MME: variants seen among roughly 807,000 people sequenced by gnomAD.
MME encodes the protein membrane metalloendopeptidase.
MME carries 98 observed loss-of-function variants against 113.2 expected under a neutral mutation model. The ratio of observed to expected loss-of-function variants is 0.87; its 90% CI spans 0.74 to 1.02. The LOEUF is 1.02. Ranked by LOEUF, MME falls within the 50% of genes least tolerant of loss-of-function variation. MME has a pLI of 0.00. For missense variants in MME, 836 were observed against 896.0 expected, an observed-to-expected ratio of 0.93 and a Z score of 0.86; for synonymous variants, 292 against 300.6, an observed-to-expected ratio of 0.97 and a Z score of 0.30.
rs777374821 is a variant in MME, at chr3:155,147,167, C to T, written c.1440C>T (p.Ile480=). The T allele has an allele frequency of 3.1e-6, 5 of 1,606,108 alleles. No homozygotes were observed. Among genetic ancestry groups the T allele is most frequent in the African/African-American group, 1.3e-5 (1 of 74,816 alleles). Reference sequence around the variant, plus strand: ...AGGCCTTAGCAATTAAAGAAAGGATCGGCTATCCTGATGACATTGTTTCAA... The same window carrying T: ...AGGCCTTAGCAATTAAAGAAAGGATTGGCTATCCTGATGACATTGTTTCAA... The part of the protein sequence containing the change: ...EEKALAIKER[I]GYPDDIVSND... The change falls in exon 15 of 23, where the codon ATC becomes ATT. Residue 480 remains isoleucine, a synonymous_variant. Transcript: ENST00000360490.
At chr3:155,058,301 C>A (rs80186722) in intron 1 of MME, among the ~76,000 whole-genome samples, 1 of 152,118 alleles carries the variant, frequency 6.6e-6, no homozygotes, top group Non-Finnish European at 1.5e-5. Flanking sequence ...TTAAGCACTG[C>A]GTATTTTCTC....
At chr3:155,051,631 AG>A (rs1197179845) in intron 1 of MME, among the ~76,000 whole-genome samples, 1 of 152,164 alleles carries the variant, frequency 6.6e-6, no homozygotes, top group Non-Finnish European at 1.5e-5. Context: ...GAACAGTGTG[AG>A]GGTAACTGCC....
At chr3:155,127,968 G>A (rs1049206403) in intron 8 of MME, among the ~76,000 whole-genome samples, 2 of 152,260 alleles carry the variant, frequency 1.3e-5, no homozygotes, top group South Asian at 2.1e-4. Context: ...GCTCTTCAAC[G>A]ATCTGAATCA....
intron 16 of MME, among the ~76,000 whole-genome samples, chr3:155,151,641 C>T (rs1460042291): frequency 2.6e-5 from 4 of 152,096 alleles, no homozygotes; most frequent in Non-Finnish European, 5.9e-5. Context: ...AATATCTGCC[C>T]ATTTTCTAAA....
At chr3:155,095,706 A>T (rs946220130) in intron 3 of MME, among the ~76,000 whole-genome samples, 4 of 152,060 alleles carry the variant, frequency 2.6e-5, no homozygotes, top group African/African-American at 9.7e-5. Context: ...CAAAAGCATT[A>T]ATCAAGCAGC....
chr3:155,063,647 T>C (rs1714265621), intron 1 of MME, among the ~76,000 whole-genome samples: 14 of 121,574 alleles, frequency 1.2e-4, no homozygotes, highest in South Asian at 9.3e-4. Context: ...TTATATATTA[T>C]ATTTGATTAT....
chr3:155,056,842 G>C (rs1342681647), intron 1 of MME, among the ~76,000 whole-genome samples: 1 of 152,146 alleles, frequency 6.6e-6, no homozygotes, highest in African/African-American at 2.4e-5. Flanking sequence ...ACAAGCAATG[G>C]GGAAAGGAGT....
intron 1 of MME, among the ~76,000 whole-genome samples, chr3:155,082,699 TA>T (rs1287274605): frequency 3.9e-5 from 6 of 152,236 alleles, no homozygotes; most frequent in Non-Finnish European, 1.5e-5. Context: ...TAGCCTCATG[TA>T]ATCAAGGGGA....
upstream of MME, among the ~76,000 whole-genome samples, chr3:155,079,322 A>G (rs1289067503): frequency 6.6e-6 from 1 of 152,120 alleles, no homozygotes; most frequent in Non-Finnish European, 1.5e-5. Flanking sequence ...AGAGGCAAGC[A>G]TTATAGTCTC....
chr3:155,032,002 G>A (rs1326654799), intron 1 of MME, among the ~76,000 whole-genome samples: 1 of 152,120 alleles, frequency 6.6e-6, no homozygotes, highest in Non-Finnish European at 1.5e-5. Context: ...AACTAATGTA[G>A]CTATTTCCAA....
intron 1 of MME, among the ~76,000 whole-genome samples, chr3:155,050,056 C>A (rs971928838): frequency 6.6e-6 from 1 of 152,114 alleles, no homozygotes; most frequent in Admixed American, 6.6e-5. Context: ...GGTTCTTTAG[C>A]TCCCAGTTGT....
Position 155,138,126 on chromosome 3 carries a change from A to T in MME, c.745A>T (p.Met249Leu), listed in dbSNP as rs1183268986. ...GGCTTGTACAGCATATGTGGATTTT[A>T]TGATTTCTGTGGCCAGATTGATTCG... ...KEACTAYVDFMISVARLIRQE... is the reference protein window; with the variant it reads ...KEACTAYVDFLISVARLIRQE... Residue 249 changes from methionine to leucine, a missense_variant, in exon 9 of 23, where the codon ATG (methionine) becomes TTG (leucine). Transcript: ENST00000360490. 6.2e-7 allele frequency: 1 copy of T among 1,613,740 alleles called. No homozygotes were observed. Among genetic ancestry groups the T allele is most frequent in the Non-Finnish European group, 8.5e-7 (1 of 1,179,786 alleles).
intron 1 of MME, among the ~76,000 whole-genome samples, chr3:155,082,399 T>C (rs974203154): frequency 1.3e-5 from 2 of 152,170 alleles, no homozygotes; most frequent in Admixed American, 1.3e-4. Context: ...TCATGAAACA[T>C]GGGGAGACTG....
chr3:155,178,571 A>C (rs1315859559), intron 22 of MME, among the ~76,000 whole-genome samples: 1 of 151,984 alleles, frequency 6.6e-6, no homozygotes, highest in Non-Finnish European at 1.5e-5. Context: ...CCTGTGCTGG[A>C]CTTTGGGGGT....
intron 8 of MME, among the ~76,000 whole-genome samples, chr3:155,125,537 G>A (rs2108277577): frequency 7.5e-6 from 1 of 133,860 alleles, no homozygotes; most frequent in East Asian, 2.4e-4. Flanking sequence ...TTGGGTCACT[G>A]CAACCTCCGC....
intron 3 of MME, among the ~76,000 whole-genome samples, chr3:155,105,618 G>A (rs1187258157): frequency 1.3e-5 from 2 of 152,108 alleles, no homozygotes; most frequent in Non-Finnish European, 2.9e-5. Flanking sequence ...CCAGACGCTG[G>A]CCACCAGGTT....
chr3:155,109,463 C>A (rs6785920), intron 3 of MME, among the ~76,000 whole-genome samples: 4,134 of 152,148 alleles, frequency 0.027, 168 homozygotes, highest in African/African-American at 0.09. Context: ...ACTTTACCAG[C>A]CAATTATAAG....
In MME at chr3:155,182,546, T is replaced by C. The variant is rs923685608; in HGVS notation, c.*2087T>C. 6.6e-6 allele frequency: 1 copy of C among 152,216 alleles called. No homozygotes were observed. Among genetic ancestry groups the C allele is most frequent in the Non-Finnish European group, 1.5e-5 (1 of 68,020 alleles). 9.4% of individuals were successfully genotyped at this position (152,216 alleles called of 1,614,324 possible). A position where few individuals can be genotyped will look rare whatever the true frequency, so the allele number is the denominator to read the frequency against. On this transcript the variant is annotated 3_prime_UTR_variant, in exon 23 of 23. Transcript: ENST00000360490. ...TATACTTATATTTCCCTAAAATACATTTAAAACTTACCTAAGTGACATTTG... is the reference window on the plus strand; with the variant it reads ...TATACTTATATTTCCCTAAAATACACTTAAAACTTACCTAAGTGACATTTG...
intron 18 of MME, among the ~76,000 whole-genome samples, chr3:155,167,730 A>G (rs529655813): frequency 2.0e-5 from 3 of 152,202 alleles, no homozygotes; most frequent in Non-Finnish European, 4.4e-5. Flanking sequence ...AAGACTTACT[A>G]AGTGTCTATT....
Sources: gnomAD v4.1 joint callset for allele counts (sites outside exome capture counted in the v4.1 genomes callset) on GRCh38, gnomAD v4.1.1 for gene constraint, MANE v1.5 for transcripts, NCBI Gene and HGNC (gene_info 2026-07-23, HGNC 2026-07-21) for gene names.